Variants in BRMS1L observed in about 807,000 individuals in gnomAD.
The protein encoded by BRMS1L is BRMS1 like transcriptional repressor, also known as breast cancer metastasis-suppressor 1-like protein.
BRMS1L carries 23 observed loss-of-function variants against 50.3 expected under a neutral mutation model. The ratio of observed to expected loss-of-function variants is 0.46; its 90% CI spans 0.33 to 0.65. The LOEUF is 0.65. BRMS1L is among the 30% of genes least tolerant of loss of function. The probability of loss-of-function intolerance (pLI) is 0.02; values close to 1 mark genes in which losing one functional copy is unlikely to be tolerated. For synonymous variants in BRMS1L, 114 were observed against 126.9 expected (o/e 0.90, Z 0.69); for missense variants, 286 against 386.1 (o/e 0.74, Z 2.17).
At chr14:35,831,623 AGAG>A (rs1312441958) in intron 2 of BRMS1L, 123 bp downstream of exon 2, 1 of 687,852 alleles carries the variant, frequency 1.5e-6, no homozygotes, top group East Asian at 2.7e-5. Context: ...CCAATTTGAA[AGAG>A]GCTTCAACTA....
chr14:35,866,689 T>G (rs2078426621), intron 8 of BRMS1L, among the ~76,000 whole-genome samples: 1 of 152,138 alleles, frequency 6.6e-6, no homozygotes, highest in Non-Finnish European at 1.5e-5. Flanking sequence ...CAGAGCAGGA[T>G]TCCATCTCTA....
chr14:35,870,555 C>T lies in BRMS1L; in HGVS notation c.*78C>T. The T allele has an allele frequency of 1.2e-6, 1 of 810,752 alleles. No homozygotes were observed. The highest frequency in any genetic ancestry group is 2.0e-6 in the Non-Finnish European group (1 of 494,700). The allele number at this position is 810,752 out of a possible 1,614,324, so 50.2% of individuals were successfully genotyped here. ...TGCCATGAGAGTAAAAAAATGTATT[C>T]AATAACTTAATATTCTCACTGAATC... On this transcript the variant is annotated 3_prime_UTR_variant, in exon 10 of 10. Coordinates refer to ENST00000216807, the MANE Select transcript of BRMS1L (RefSeq NM_032352.4).
At chr14:35,867,790 A>C (rs2078440550) in intron 8 of BRMS1L, 116 bp from the exon 9 acceptor site, 1 of 980,034 alleles carries the variant, frequency 1.0e-6, no homozygotes, top group East Asian at 3.0e-5. Context: ...TATTTAAGAA[A>C]TATTTTTAGG....
At chr14:35,837,090 A>G (rs2072439682) in intron 4 of BRMS1L, among the ~76,000 whole-genome samples, 1 of 151,206 alleles carries the variant, frequency 6.6e-6, no homozygotes, top group South Asian at 2.1e-4. Context: ...CCCTGTTTCT[A>G]CTAAAAATAC....
chr14:35,830,838 A>G (rs1344886307), intron 1 of BRMS1L, among the ~76,000 whole-genome samples: 2 of 152,176 alleles, frequency 1.3e-5, no homozygotes, highest in Non-Finnish European at 2.9e-5. Context: ...TATAGCTTAT[A>G]GTCAGTCCTT....
In BRMS1L at chr14:35,870,770, TG is replaced by T. The variant is rs2078481591; in HGVS notation, c.*294del. 6.1e-6 allele frequency: 1 copy of T among 165,166 alleles called. No homozygotes were observed. Among genetic ancestry groups the T allele is most frequent in the Non-Finnish European group, 1.3e-5 (1 of 76,602 alleles). 10.2% of individuals were successfully genotyped at this position (165,166 alleles called of 1,614,324 possible). A position where few individuals can be genotyped will look rare whatever the true frequency, so the allele number is the denominator to read the frequency against. On this transcript the variant is annotated 3_prime_UTR_variant, in exon 10 of 10. Transcript: ENST00000216807. ...TTTTCTTTGGTTTTAAAAAAAGTTATGCAAATTTGTCTTATCTTTAGTAAAC... is the reference window on the plus strand; with the variant it reads ...TTTTCTTTGGTTTTAAAAAAAGTTATCAAATTTGTCTTATCTTTAGTAAAC...
In BRMS1L at chr14:35,826,416, G is replaced by T; in HGVS notation, c.-101G>T. 7 of 1,521,614 alleles carry T rather than the reference G, an allele frequency of 4.6e-6. No individual in the cohort carries two copies. Among genetic ancestry groups the T allele is most frequent in the Non-Finnish European group, 6.2e-6 (7 of 1,130,908 alleles). The allele number at this position is 1,521,614 out of a possible 1,614,324, so 94.3% of individuals were successfully genotyped here. A position where few individuals can be genotyped will look rare whatever the true frequency, so the allele number is the denominator to read the frequency against. ...GGGGAGGAGCCAAGGGGGCGAGCAA[G>T]CTCGGTGGCTGGGTGGGTTGGGGCG... is the stretch of plus-strand genomic sequence containing the variant. On this transcript the variant is annotated 5_prime_UTR_variant, in exon 1 of 10. Coordinates refer to ENST00000216807, the MANE Select transcript of BRMS1L (RefSeq NM_032352.4).
intron 2 of BRMS1L, 70 bp downstream of exon 2, chr14:35,831,570 C>A (rs1454301945): frequency 4.6e-6 from 5 of 1,085,120 alleles, no homozygotes; most frequent in Non-Finnish European, 7.0e-6. Flanking sequence ...AGCACAAGAG[C>A]AACTAGATTC....
intron 9 of BRMS1L, among the ~76,000 whole-genome samples, chr14:35,869,614 G>A (rs1054531405): frequency 2.0e-5 from 3 of 152,074 alleles, no homozygotes; most frequent in African/African-American, 4.8e-5. Flanking sequence ...TTGGGAAGTC[G>A]AGGAGGGTGG....
chr14:35,845,805 C>T (rs906621432), intron 4 of BRMS1L, among the ~76,000 whole-genome samples: 3 of 152,156 alleles, frequency 2.0e-5, no homozygotes, highest in African/African-American at 7.2e-5. Flanking sequence ...AGTGCAGTGG[C>T]TGTTCACCAG....
At chr14:35,866,170 G>T in intron 8 of BRMS1L, 1 of 158,900 alleles carries the variant, frequency 6.3e-6, no homozygotes, top group Non-Finnish European at 1.4e-5. Context: ...ATATGCCTTA[G>T]TAAAATTCAT....
At chr14:35,841,421 C>T (rs1256374883) in intron 4 of BRMS1L, among the ~76,000 whole-genome samples, 2 of 152,048 alleles carry the variant, frequency 1.3e-5, no homozygotes, top group Non-Finnish European at 2.9e-5. Flanking sequence ...GCCTCAGCCT[C>T]CCGAGTAGCT....
In BRMS1L at chr14:35,862,699, A is replaced by G; in HGVS notation, c.538+13A>G. The G allele has an allele frequency of 6.3e-7, 1 of 1,590,350 alleles. No homozygotes were observed. The highest frequency in any genetic ancestry group is 8.6e-7 in the Non-Finnish European group (1 of 1,162,770). ...GATATTACCTCAGGTAAGGAGAATGATATGATTGTGATGTTTGAGTGGCAC... is the reference window on the plus strand; with the variant it reads ...GATATTACCTCAGGTAAGGAGAATGGTATGATTGTGATGTTTGAGTGGCAC... On this transcript the variant is annotated intron_variant, in intron 5 of 9. Transcript: ENST00000216807.
At chr14:35,868,066 G>A (rs754346449) in intron 9 of BRMS1L, 34 bp downstream of exon 9, 8 of 1,558,980 alleles carry the variant, frequency 5.1e-6, no homozygotes, top group Non-Finnish European at 6.9e-6. Flanking sequence ...GTGTTGCTCA[G>A]TATTGTCATT....
chr14:35,833,134 A>G (rs1390833496), intron 3 of BRMS1L, 29 bp downstream of exon 3: 5 of 1,592,290 alleles, frequency 3.1e-6, no homozygotes, highest in Non-Finnish European at 3.4e-6. Context: ...TTTTCCATAT[A>G]TAGAATGTAA....
chr14:35,841,076 A>G (rs1012413562), intron 4 of BRMS1L, among the ~76,000 whole-genome samples: 2 of 151,996 alleles, frequency 1.3e-5, no homozygotes, highest in Non-Finnish European at 2.9e-5. Flanking sequence ...GTTTCAAATA[A>G]CTTATTTATT....
At chr14:35,850,209 C>CTT (rs72493491) in intron 4 of BRMS1L, among the ~76,000 whole-genome samples, 4 of 128,952 alleles carry the variant, frequency 3.1e-5, no homozygotes, top group East Asian at 2.3e-4. Context: ...GTTGCCTTTT[C>CTT]TTTTTTTTTT....
intron 4 of BRMS1L, among the ~76,000 whole-genome samples, chr14:35,843,406 G>C (rs900434653): frequency 6.6e-6 from 1 of 152,126 alleles, no homozygotes; most frequent in Admixed American, 6.5e-5. Context: ...ATTCCTTTCT[G>C]TTCGTTAGTT....
chr14:35,859,852 G>T (rs2078327559), intron 4 of BRMS1L, among the ~76,000 whole-genome samples: 1 of 151,642 alleles, frequency 6.6e-6, no homozygotes, highest in African/African-American at 2.4e-5. Flanking sequence ...GGGTCTCACT[G>T]TGTTGCCTAA....
Sources: gnomAD v4.1 joint callset for allele counts (sites outside exome capture counted in the v4.1 genomes callset) on GRCh38, gnomAD v4.1.1 for gene constraint, MANE v1.5 for transcripts, NCBI Gene and HGNC (gene_info 2026-07-23, HGNC 2026-07-21) for gene names.